MEI4: variants seen among roughly 807,000 people sequenced by gnomAD.
The protein encoded by MEI4 is meiotic double-stranded break formation protein 4, also known as meiosis-specific protein MEI4.
MEI4 carries 27 observed loss-of-function variants against 31.4 expected under a neutral mutation model. That is an observed-to-expected ratio of 0.86 (90% CI 0.63 to 1.19). MEI4 has a LOEUF of 1.19. Among genes scored for constraint, MEI4 ranks in the 50% most tolerant of loss-of-function variants. The probability of loss-of-function intolerance (pLI) is 0.00; values close to 1 mark genes in which losing one functional copy is unlikely to be tolerated. For synonymous variants in MEI4, 122 were observed against 145.4 expected (o/e 0.84, Z 1.16); for missense variants, 329 against 398.9 (o/e 0.82, Z 1.49).
chr6:77,751,494 G>T (rs1767774344), intron 2 of MEI4, among the ~76,000 whole-genome samples: 2 of 152,052 alleles, frequency 1.3e-5, no homozygotes, highest in African/African-American at 4.8e-5. Context: ...CAACCTCTAT[G>T]CAAATAAACT....
chr6:77,875,131 A>C (rs936914435), intron 4 of MEI4, among the ~76,000 whole-genome samples: 8 of 152,164 alleles, frequency 5.3e-5, no homozygotes, highest in African/African-American at 1.9e-4. Flanking sequence ...CAAGGCCTTC[A>C]GCTTCCTTGA....
chr6:77,826,581 C>T (rs559394128), intron 3 of MEI4, among the ~76,000 whole-genome samples: 2 of 152,236 alleles, frequency 1.3e-5, no homozygotes, highest in South Asian at 4.1e-4. Context: ...TATGTTGTCT[C>T]CAGAATTCAC....
intron 3 of MEI4, among the ~76,000 whole-genome samples, chr6:77,785,401 C>T (rs1422426760): frequency 6.6e-6 from 1 of 151,916 alleles, no homozygotes; most frequent in East Asian, 1.9e-4. Flanking sequence ...TCTAGAAATA[C>T]CATATTTTCC....
intron 4 of MEI4, among the ~76,000 whole-genome samples, chr6:77,878,135 G>A (rs1581945383): frequency 1.3e-5 from 2 of 152,230 alleles, no homozygotes; most frequent in Admixed American, 1.3e-4. Context: ...AGGTGGCATT[G>A]TGTTACTGTG....
intron 4 of MEI4, among the ~76,000 whole-genome samples, chr6:77,918,964 A>G (rs1766634317): frequency 6.6e-6 from 1 of 152,030 alleles, no homozygotes; most frequent in Non-Finnish European, 1.5e-5. Flanking sequence ...ATTTATTGAG[A>G]GTTTTTAGCA....
At chr6:77,759,414 C>T (rs1313743615) in intron 2 of MEI4, among the ~76,000 whole-genome samples, 1 of 152,092 alleles carries the variant, frequency 6.6e-6, no homozygotes, top group East Asian at 1.9e-4. Flanking sequence ...TCAGTCTAGA[C>T]CTTCTCCCCA....
chr6:77,709,291 AT>A (rs1766403364), intron 2 of MEI4, among the ~76,000 whole-genome samples: 1 of 152,224 alleles, frequency 6.6e-6, no homozygotes, highest in Admixed American at 6.5e-5. Flanking sequence ...TTAAAAATTA[AT>A]ACATCACACG....
intron 4 of MEI4, among the ~76,000 whole-genome samples, chr6:77,916,106 G>C (rs1218105699): frequency 4.0e-5 from 6 of 150,920 alleles, no homozygotes; most frequent in Non-Finnish European, 7.4e-5. Flanking sequence ...TAAAATTTAA[G>C]TTCTTTTTAA....
At chr6:77,711,390 A>G (rs1038466326) in intron 2 of MEI4, among the ~76,000 whole-genome samples, 1 of 152,214 alleles carries the variant, frequency 6.6e-6, no homozygotes, top group Admixed American at 6.5e-5. Flanking sequence ...TACCTTGTAC[A>G]CTGAAGATAT....
chr6:77,840,955 G>A lies in MEI4; in HGVS notation c.900+11893G>A, dbSNP rs542879916. 2.0e-5 allele frequency among the ~76,000 whole-genome samples: 3 copies of A among 152,162 alleles called. No homozygotes were observed. In the East Asian group the frequency reaches 5.8e-4, roughly 29 times the overall value. On this transcript the variant is annotated intron_variant, in intron 4 of 4. Coordinates refer to ENST00000684080, the MANE Select transcript of MEI4 (RefSeq NM_001322247.2). Reference sequence around the variant, plus strand: ...CAGAATAATAAACTGTGCTTCACATGTAGGAAAATTAACATAATTCATTGT... The same window carrying A: ...CAGAATAATAAACTGTGCTTCACATATAGGAAAATTAACATAATTCATTGT...
intron 4 of MEI4, among the ~76,000 whole-genome samples, chr6:77,845,663 T>A (rs1770464840): frequency 6.6e-6 from 1 of 152,192 alleles, no homozygotes; most frequent in Non-Finnish European, 1.5e-5. Context: ...TGTTTATTGA[T>A]CTGCCTGCCA....
chr6:77,840,363 A>C (rs1428942291), intron 4 of MEI4, among the ~76,000 whole-genome samples: 1 of 152,182 alleles, frequency 6.6e-6, no homozygotes, highest in African/African-American at 2.4e-5. Context: ...CTGTGAAACA[A>C]TACCAAAAGG....
chr6:77,701,745 C>G (rs1424802653), intron 2 of MEI4, among the ~76,000 whole-genome samples: 1 of 152,010 alleles, frequency 6.6e-6, no homozygotes, highest in Non-Finnish European at 1.5e-5. Context: ...AAAAATCAAA[C>G]TAAATTAATT....
chr6:77,807,280 G>T (rs532688236), intron 3 of MEI4, among the ~76,000 whole-genome samples: 2 of 151,986 alleles, frequency 1.3e-5, no homozygotes, highest in Non-Finnish European at 2.9e-5. Flanking sequence ...TAGGGTGATG[G>T]CAGGAAAGAG....
intron 3 of MEI4, among the ~76,000 whole-genome samples, chr6:77,802,071 G>T (rs1769279143): frequency 6.6e-6 from 1 of 152,162 alleles, no homozygotes; most frequent in South Asian, 2.1e-4. Context: ...ACAGTGGGTT[G>T]TTAAAGTCTC....
At chr6:77,829,130 C>T (rs1293147523) in intron 4 of MEI4, 68 bp downstream of exon 4, 3 of 1,122,820 alleles carry the variant, frequency 2.7e-6, no homozygotes. Context: ...CTTTCTTTTC[C>T]CTTCTTTCTT....
rs368910523 is a variant in MEI4 at position 77,801,561 on chromosome 6, T to G, written c.769-27370T>G. Among the ~76,000 whole-genome samples, 76 of 152,334 alleles carry G rather than the reference T, an allele frequency of 5.0e-4. 2 individuals are homozygous for G. In the South Asian group the frequency reaches 0.015, roughly 29 times the overall value. On this transcript the variant is annotated intron_variant, in intron 3 of 4. Coordinates refer to ENST00000684080, the MANE Select transcript of MEI4 (RefSeq NM_001322247.2). The stretch of plus-strand genomic sequence containing the variant: ...AATGTGTTTGCTCTTGCTTCTCTAG[T>G]TCTTTTAATTGTGATGTTAGGGTGT...
chr6:77,863,439 C>T (rs1309575655), intron 4 of MEI4, among the ~76,000 whole-genome samples: 4 of 151,990 alleles, frequency 2.6e-5, no homozygotes, highest in African/African-American at 9.7e-5. Flanking sequence ...GACAAATGCA[C>T]AAGCCTCAGT....
Position 77,880,155 on chromosome 6 carries a change from TTGCCA to T in MEI4, c.901-42933_901-42929del, listed in dbSNP as rs530890906. Among the ~76,000 whole-genome samples the T allele has an allele frequency of 5.2e-3, 785 of 152,344 alleles. 6 individuals carry two copies. The highest frequency in any genetic ancestry group is 0.018 in the African/African-American group (766 of 41,578). ...GTTACTCATTTAGTGTCTGTCCACA[TTGCCA>T]GAGTAGAAGCCTTATGATGGCAAGA... On this transcript the variant is annotated intron_variant, in intron 4 of 4. Transcript: ENST00000684080.
Sources: allele counts gnomAD v4.1 joint callset (sites outside exome capture counted in the v4.1 genomes callset), GRCh38; gene constraint gnomAD v4.1.1; transcripts MANE v1.5; gene names NCBI Gene and HGNC (gene_info 2026-07-23, HGNC 2026-07-21).